Variants in MCTP1 observed in about 807,000 individuals in gnomAD.
MCTP1 encodes the protein multiple C2 and transmembrane domain-containing protein 1.
In MCTP1, 69 loss-of-function variants were observed where a neutral mutation model predicts 120.6. The ratio of observed to expected loss-of-function variants is 0.57; its 90% CI spans 0.47 to 0.70. The LOEUF (loss-of-function observed/expected upper bound fraction) is 0.70. MCTP1 is among the 30% of genes least tolerant of loss of function. The pLI is 0.00. For missense variants in MCTP1, 1,203 were observed against 1,248.8 expected, an observed-to-expected ratio of 0.96 and a Z score of 0.55; for synonymous variants, 529 against 493.1, an observed-to-expected ratio of 1.07 and a Z score of -0.96.
At chr5:95,075,514 G>A (rs958314743) in intron 1 of MCTP1, among the ~76,000 whole-genome samples, 2 of 152,138 alleles carry the variant, frequency 1.3e-5, no homozygotes, top group African/African-American at 4.8e-5. Context: ...ATACAATGAG[G>A]AAGAGGTCAG....
chr5:94,883,180 G>A (rs569159002), intron 12 of MCTP1, among the ~76,000 whole-genome samples: 1 of 152,054 alleles, frequency 6.6e-6, no homozygotes, highest in Admixed American at 6.6e-5. Flanking sequence ...GATTTATATA[G>A]TATTAATACA....
chr5:94,994,108 C>G (rs1258184454), intron 2 of MCTP1, among the ~76,000 whole-genome samples: 1 of 152,170 alleles, frequency 6.6e-6, no homozygotes, highest in Admixed American at 6.6e-5. Flanking sequence ...GCAATTTGAG[C>G]TCAGGTTCAG....
At chr5:94,952,066 G>A (rs945070357) in intron 3 of MCTP1, among the ~76,000 whole-genome samples, 3 of 150,460 alleles carry the variant, frequency 2.0e-5, no homozygotes, top group Non-Finnish European at 4.4e-5. Flanking sequence ...CAGCTACTGA[G>A]GAGGCTGAGG....
intron 1 of MCTP1, among the ~76,000 whole-genome samples, chr5:95,202,470 C>A (rs918911334): frequency 6.6e-6 from 1 of 152,194 alleles, no homozygotes; most frequent in Non-Finnish European, 1.5e-5. Flanking sequence ...ACTTCCCTAA[C>A]AAATCTTATC....
At position 94,956,240 on chromosome 5, in the gene MCTP1, G is replaced by A. The variant is rs547632028; in HGVS notation, c.839-2879C>T. Among the ~76,000 whole-genome samples the A allele has an allele frequency of 8.5e-5, 13 of 152,198 alleles. No homozygotes were observed. The South Asian group carries it at 2.1e-3, about 24-fold the overall frequency. On this transcript the variant is annotated intron_variant, in intron 2 of 22. Coordinates refer to ENST00000515393, the MANE Select transcript of MCTP1 (RefSeq NM_024717.7). ...ATCAACATCAACAAAAAGGATGACC[G>A]TGGAAAACTCCATCCAAAGGTCACC...
chr5:95,184,330 T>C (rs1238605338), intron 1 of MCTP1, among the ~76,000 whole-genome samples: 1 of 152,130 alleles, frequency 6.6e-6, no homozygotes, highest in African/African-American at 2.4e-5. Context: ...CAAAAAGTTC[T>C]CCAAAGAAAA....
intron 17 of MCTP1, among the ~76,000 whole-genome samples, chr5:94,837,437 C>A (rs1239192605): frequency 2.0e-5 from 3 of 152,082 alleles, no homozygotes; most frequent in African/African-American, 7.2e-5. Context: ...GGTTAAGAAT[C>A]TGAGATTCAC....
At chr5:94,888,186 T>C (rs1462337948) in intron 12 of MCTP1, among the ~76,000 whole-genome samples, 1 of 152,228 alleles carries the variant, frequency 6.6e-6, no homozygotes, top group Non-Finnish European at 1.5e-5. Flanking sequence ...GGTCACATTG[T>C]TATAAATTCA....
chr5:95,006,211 T>C (rs1250893172), intron 2 of MCTP1, among the ~76,000 whole-genome samples: 1 of 152,108 alleles, frequency 6.6e-6, no homozygotes, highest in Admixed American at 6.6e-5. Flanking sequence ...ACCCGCTATA[T>C]ATGTATTATT....
intron 17 of MCTP1, among the ~76,000 whole-genome samples, chr5:94,851,818 A>T (rs902589331): frequency 6.6e-6 from 1 of 151,932 alleles, no homozygotes; most frequent in African/African-American, 2.4e-5. Flanking sequence ...ATTTGAAGCA[A>T]TTAGGTGATG....
At chr5:95,114,107 G>T (rs1437860554) in intron 1 of MCTP1, among the ~76,000 whole-genome samples, 2 of 152,142 alleles carry the variant, frequency 1.3e-5, no homozygotes, top group East Asian at 3.9e-4. Flanking sequence ...TAAATAAAGA[G>T]CCCTTGGGTC....
chr5:95,103,685 C>G (rs138314451), intron 1 of MCTP1, among the ~76,000 whole-genome samples: 1 of 152,136 alleles, frequency 6.6e-6, no homozygotes, highest in Non-Finnish European at 1.5e-5. Context: ...CAACAATTTT[C>G]GAGTGCCTTT....
intron 1 of MCTP1, among the ~76,000 whole-genome samples, chr5:95,268,397 C>A (rs1759080355): frequency 6.6e-6 from 1 of 152,188 alleles, no homozygotes; most frequent in South Asian, 2.1e-4. Context: ...ACTGAATATT[C>A]TCCCCATTCC....
intron 1 of MCTP1, among the ~76,000 whole-genome samples, chr5:95,155,210 A>G (rs1319155843): frequency 6.6e-6 from 1 of 152,300 alleles, no homozygotes; most frequent in East Asian, 1.9e-4. Flanking sequence ...TTGCATGACT[A>G]AAAATATAAA....
chr5:94,770,156 A>T (rs1773730607), intron 19 of MCTP1, among the ~76,000 whole-genome samples: 1 of 152,204 alleles, frequency 6.6e-6, no homozygotes, highest in Non-Finnish European at 1.5e-5. Flanking sequence ...ATGCTTGGCA[A>T]CACATCTGGT....
At chr5:94,885,993 G>A (rs1215823772) in intron 12 of MCTP1, among the ~76,000 whole-genome samples, 1 of 152,108 alleles carries the variant, frequency 6.6e-6, no homozygotes, top group Non-Finnish European at 1.5e-5. Context: ...TTTTAAATCT[G>A]TATTAACCTT....
chr5:94,834,420 A>G lies in MCTP1; in HGVS notation c.2436+33913T>C, dbSNP rs377747830. 6.6e-5 allele frequency among the ~76,000 whole-genome samples: 10 copies of G among 152,344 alleles called. No homozygotes were observed. In the East Asian group the frequency reaches 1.9e-3, roughly 29 times the overall value. On this transcript the variant is annotated intron_variant, in intron 17 of 22. Coordinates refer to ENST00000515393, the MANE Select transcript of MCTP1 (RefSeq NM_024717.7). ...GACACATATATTTTTTACAATGTGC[A>G]GAAAGATACAAGCCACTGTGCATCT...
At chr5:95,177,495 T>G (rs1239274307) in intron 1 of MCTP1, among the ~76,000 whole-genome samples, 1 of 152,218 alleles carries the variant, frequency 6.6e-6, no homozygotes, top group Non-Finnish European at 1.5e-5. Flanking sequence ...ATCACGGTTA[T>G]CTGGAGCATT....
chr5:94,812,235 G>T (rs17084095), intron 17 of MCTP1, among the ~76,000 whole-genome samples: 15,424 of 152,074 alleles, frequency 0.1, 917 homozygotes, highest in African/African-American at 0.14. Flanking sequence ...TCAGTTTCTT[G>T]TTCACAATTT....
Sources: gnomAD v4.1 joint callset for allele counts (sites outside exome capture counted in the v4.1 genomes callset) on GRCh38, gnomAD v4.1.1 for gene constraint, MANE v1.5 for transcripts, NCBI Gene and HGNC (gene_info 2026-07-23, HGNC 2026-07-21) for gene names.